GGTA1: variants seen among roughly 807,000 people sequenced by gnomAD.
GGTA1 encodes glycoprotein alpha-galactosyltransferase 1 (inactive).
Under a neutral mutation model 2.6 loss-of-function variants are expected in GGTA1, and 5 were observed. The ratio of observed to expected loss-of-function variants is 1.92; its 90% CI spans 1.00 to 4.04. The LOEUF is 4.04. Among genes scored for constraint, GGTA1 ranks in the 30% most tolerant of loss-of-function variants. The probability of loss-of-function intolerance (pLI) is 0.00; values close to 1 mark genes in which losing one functional copy is unlikely to be tolerated. For missense variants in GGTA1, 50 were observed against 16.7 expected (o/e 2.99, Z -3.47); for synonymous variants, 17 against 5.0 (o/e 3.38, Z -3.19).
intron 2 of GGTA1, among the ~76,000 whole-genome samples, chr9:121,466,567 G>A (rs564092838): frequency 2.6e-4 from 39 of 152,110 alleles, no homozygotes; most frequent in Non-Finnish European, 4.4e-4. Context: ...TCCAGCATTC[G>A]GAGAGTTCTT....
At chr9:121,483,831 G>T (rs1397449159) in intron 1 of GGTA1, among the ~76,000 whole-genome samples, 1 of 152,230 alleles carries the variant, frequency 6.6e-6, no homozygotes, top group Non-Finnish European at 1.5e-5. Context: ...TACCTCTGTG[G>T]AGGTGTGAGG....
downstream of GGTA1, among the ~76,000 whole-genome samples, chr9:121,452,461 G>A (rs910854684): frequency 6.6e-6 from 1 of 152,138 alleles, no homozygotes; most frequent in Non-Finnish European, 1.5e-5. Flanking sequence ...CATCTTCTGG[G>A]TAAGGAAGAT....
chr9:121,446,208 C>T (rs1211967874), exon 8 of GGTA1: 1 of 152,268 alleles, frequency 6.6e-6, no homozygotes, highest in Admixed American at 6.5e-5. Context: ...GTGATTGGCT[C>T]CTCTCTTCCA....
At chr9:121,487,872 C>T (rs545868915) in intron 1 of GGTA1, among the ~76,000 whole-genome samples, 14 of 152,138 alleles carry the variant, frequency 9.2e-5, no homozygotes, top group South Asian at 6.2e-4. Flanking sequence ...CGTGCCACCA[C>T]GCCCAGCTAA....
chr9:121,473,175 C>T (rs1013670559), intron 1 of GGTA1, among the ~76,000 whole-genome samples: 33 of 152,062 alleles, frequency 2.2e-4, no homozygotes, highest in Non-Finnish European at 2.4e-4. Flanking sequence ...CAAAAATTAG[C>T]TGGGTGTTGC....
intron 1 of GGTA1, among the ~76,000 whole-genome samples, chr9:121,487,574 CAAAAA>C (rs35537073): frequency 3.0e-5 from 2 of 65,924 alleles, no homozygotes; most frequent in Non-Finnish European, 2.7e-5. Context: ...GACTCTGTCT[CAAAAA>C]AAAAAAAAAA....
intron 1 of GGTA1, among the ~76,000 whole-genome samples, chr9:121,486,333 C>T (rs1418898980): frequency 1.3e-5 from 2 of 152,204 alleles, no homozygotes; most frequent in South Asian, 2.1e-4. Flanking sequence ...ACCACGCCCA[C>T]GTGGGTCTAT....
chr9:121,455,741 C>A lies in GGTA1; in HGVS notation c.*96G>T. On this transcript the variant is annotated 3_prime_UTR_variant, in exon 6 of 6. Transcript: ENST00000481799. ...CTCGCAGTCCCAACAGGTGGTCCGC[C>A]TGTTACACACTCCTTAACCGCATGA... The A allele has an allele frequency of 2.4e-6, 1 of 410,076 alleles. No homozygotes were observed. Among genetic ancestry groups the A allele is most frequent in the Non-Finnish European group, 4.9e-6 (1 of 205,110 alleles). 25.4% of individuals were successfully genotyped at this position (410,076 alleles called of 1,614,324 possible).
At chr9:121,488,110 T>TGC (rs1480497070) in intron 1 of GGTA1, among the ~76,000 whole-genome samples, 158 of 98,102 alleles carry the variant, frequency 1.6e-3, no homozygotes, top group Non-Finnish European at 3.0e-3. Context: ...TGTGTGTGTG[T>TGC]GCGTGTGTGC....
intron 2 of GGTA1, among the ~76,000 whole-genome samples, chr9:121,466,678 CATGGTGG>C (rs1325059132): frequency 8.5e-5 from 13 of 152,228 alleles, no homozygotes; most frequent in Non-Finnish European, 1.8e-4. Flanking sequence ...AGAGGCCGGG[CATGGTGG>C]CTCACGCCTG....
chr9:121,480,919 C>T (rs148635542), intron 1 of GGTA1, among the ~76,000 whole-genome samples: 86 of 151,128 alleles, frequency 5.7e-4, no homozygotes, highest in Non-Finnish European at 9.6e-4. Context: ...TTTGGGAGGC[C>T]GAGGCGGGTG....
At chr9:121,451,664 AG>A (rs1227756802), downstream of GGTA1, among the ~76,000 whole-genome samples, 2 of 152,206 alleles carry the variant, frequency 1.3e-5, no homozygotes, top group African/African-American at 4.8e-5. Flanking sequence ...CCCATGGAAG[AG>A]TGGTCAGCTG....
chr9:121,490,217 A>G (rs1828847442), intron 1 of GGTA1, among the ~76,000 whole-genome samples: 1 of 152,202 alleles, frequency 6.6e-6, no homozygotes, highest in Non-Finnish European at 1.5e-5. Context: ...CAGCCATTCA[A>G]TAGTACCGCA....
At chr9:121,478,087 A>G (rs907911439) in intron 1 of GGTA1, among the ~76,000 whole-genome samples, 3 of 152,190 alleles carry the variant, frequency 2.0e-5, no homozygotes, top group African/African-American at 7.2e-5. Flanking sequence ...AGAAAGGTGA[A>G]GTAACTTGCC....
At chr9:121,488,434 C>G (rs10117393) in intron 1 of GGTA1, among the ~76,000 whole-genome samples, 42,541 of 151,946 alleles carry the variant, frequency 0.28, 6,377 homozygotes, top group Middle Eastern at 0.37. Flanking sequence ...GGATATTGGG[C>G]CTGGGCATGG....
At chr9:121,495,883 A>G (rs1379368749) in intron 1 of GGTA1, among the ~76,000 whole-genome samples, 1 of 152,246 alleles carries the variant, frequency 6.6e-6, no homozygotes, top group Non-Finnish European at 1.5e-5. Context: ...CCTTTGAGAC[A>G]TTCAAAACAA....
chr9:121,468,030 A>G, intron 1 of GGTA1, 99 bp from the exon 2 acceptor site: 1 of 403,700 alleles, frequency 2.5e-6, no homozygotes, highest in Non-Finnish European at 4.9e-6. Context: ...TTCTTTTTTA[A>G]AATTACTACT....
Position 121,476,803 on chromosome 9 carries a change from G to A in GGTA1, c.-9-8872C>T, listed in dbSNP as rs547611614. Among the ~76,000 whole-genome samples, 2 of 152,240 alleles carry A rather than the reference G, an allele frequency of 1.3e-5. No homozygotes were observed. The highest frequency in any genetic ancestry group is 6.5e-5 in the Admixed American group (1 of 15,286). On this transcript the variant is annotated intron_variant, in intron 1 of 5. Coordinates refer to ENST00000481799, the MANE Select transcript of GGTA1 (RefSeq NM_001382585.1). This position sits in a 1 kb window ranked among gnomAD's most constrained non-coding sequence, Gnocchi z 4.6. ...AAGACTGGGCCTGATTTCCCATTAG[G>A]GTGAGCATGAGAAAGCCCCAAATGC...
At chr9:121,467,198 C>G (rs2065011278) in intron 2 of GGTA1, among the ~76,000 whole-genome samples, 1 of 152,132 alleles carries the variant, frequency 6.6e-6, no homozygotes, top group Non-Finnish European at 1.5e-5. Context: ...GCCTCTCCAG[C>G]TGGAATGGCC....
Sources: allele counts gnomAD v4.1 joint callset (sites outside exome capture counted in the v4.1 genomes callset), GRCh38; gene constraint gnomAD v4.1.1; non-coding constraint Gnocchi (gnomAD v3.1); transcripts MANE v1.5; gene names NCBI Gene and HGNC (gene_info 2026-07-23, HGNC 2026-07-21).